The following UBE2E3 variants were observed in gnomAD, a reference collection of about 807,000 sequenced individuals.
The protein encoded by UBE2E3 is ubiquitin conjugating enzyme E2 E3, also known as ubiquitin-conjugating enzyme E2 E3.
UBE2E3 carries 5 observed loss-of-function variants against 23.6 expected under a neutral mutation model. That is an observed-to-expected ratio of 0.21 (90% CI 0.11 to 0.44). The LOEUF (loss-of-function observed/expected upper bound fraction) is 0.44, where lower values mean the gene tolerates loss of function less well. Ranked by LOEUF, UBE2E3 falls within the 20% of genes least tolerant of loss-of-function variation. UBE2E3 has a pLI of 0.99. For missense variants in UBE2E3, 81 were observed against 249.8 expected (o/e 0.32, Z 4.55); for synonymous variants, 78 against 87.5 (o/e 0.89, Z 0.60).
rs1195783018 is a variant in UBE2E3, at chr2:180,980,678, C to G, written c.-321C>G. The G allele has an allele frequency of 2.8e-5, 4 of 145,190 alleles. No homozygotes were observed. Among genetic ancestry groups the G allele is most frequent in the Non-Finnish European group, 6.1e-5 (4 of 65,600 alleles). 9.0% of individuals were successfully genotyped at this position (145,190 alleles called of 1,614,324 possible). ...GCGGGAGGCTACAGCGCGCGGGGGT[C>G]TCCCGCGTCCCCTCCGCCTCGCCGG... On this transcript the variant is annotated 5_prime_UTR_variant, in exon 1 of 6. Transcript: ENST00000410062. This position sits in a 1 kb window ranked among gnomAD's most constrained non-coding sequence, Gnocchi z 5.5.
intron 3 of UBE2E3, among the ~76,000 whole-genome samples, chr2:181,015,789 C>T (rs1685467400): frequency 6.6e-6 from 1 of 152,002 alleles, no homozygotes; most frequent in African/African-American, 2.4e-5. Flanking sequence ...GGAGTATAAT[C>T]ACTAAAATGA....
chr2:181,028,673 A>G (rs866592699), intron 3 of UBE2E3, among the ~76,000 whole-genome samples: 2 of 151,992 alleles, frequency 1.3e-5, no homozygotes, highest in African/African-American at 2.4e-5. Context: ...TTTTATGTTT[A>G]TCTTCCATTC....
chr2:181,044,475 G>A (rs1686611832), intron 3 of UBE2E3, among the ~76,000 whole-genome samples: 1 of 152,118 alleles, frequency 6.6e-6, no homozygotes, highest in African/African-American at 2.4e-5. Context: ...AGAATCTTTA[G>A]TGGCAATAGA....
intron 3 of UBE2E3, among the ~76,000 whole-genome samples, chr2:181,029,656 A>G (rs957230051): frequency 8.6e-6 from 1 of 115,844 alleles, no homozygotes; most frequent in Non-Finnish European, 1.8e-5. Flanking sequence ...ATCTGTAGAC[A>G]ATCTTTTTTT....
At chr2:181,054,840 G>A (rs963278558) in intron 3 of UBE2E3, among the ~76,000 whole-genome samples, 1 of 151,736 alleles carries the variant, frequency 6.6e-6, no homozygotes. Flanking sequence ...TAAGGTCTTA[G>A]CTCTGGAGGA....
intron 3 of UBE2E3, among the ~76,000 whole-genome samples, chr2:181,041,960 A>G (rs1574213291): frequency 6.6e-6 from 1 of 152,084 alleles, no homozygotes; most frequent in African/African-American, 2.4e-5. Context: ...TGATATACCT[A>G]CCCTAATTTA....
intron 3 of UBE2E3, among the ~76,000 whole-genome samples, chr2:181,035,809 G>T (rs1167386169): frequency 1.3e-5 from 2 of 152,076 alleles, no homozygotes; most frequent in Non-Finnish European, 2.9e-5. Flanking sequence ...GTTCCCAAGG[G>T]TTTTTACCAC....
At chr2:181,029,654 A>G (rs768682553) in intron 3 of UBE2E3, among the ~76,000 whole-genome samples, 1 of 127,038 alleles carries the variant, frequency 7.9e-6, no homozygotes, top group African/African-American at 2.8e-5. Flanking sequence ...TTATCTGTAG[A>G]CAATCTTTTT....
chr2:181,041,899 G>A (rs975649279), intron 3 of UBE2E3, among the ~76,000 whole-genome samples: 3 of 152,194 alleles, frequency 2.0e-5, no homozygotes, highest in East Asian at 1.9e-4. Flanking sequence ...ATCACAAAGT[G>A]TGGAGAGTCA....
chr2:181,022,714 G>A (rs1281017492), intron 3 of UBE2E3, among the ~76,000 whole-genome samples: 1 of 151,102 alleles, frequency 6.6e-6, no homozygotes, highest in Admixed American at 6.6e-5. Context: ...ATGGTACTAA[G>A]TAGGCTGCAA....
At chr2:181,060,415 A>C (rs1014485018) in intron 4 of UBE2E3, among the ~76,000 whole-genome samples, 2 of 151,750 alleles carry the variant, frequency 1.3e-5, no homozygotes, top group African/African-American at 4.8e-5. Flanking sequence ...CATAGATGGA[A>C]TTACTGTATC....
At chr2:181,025,279 C>G (rs546693707) in intron 3 of UBE2E3, among the ~76,000 whole-genome samples, 1 of 151,940 alleles carries the variant, frequency 6.6e-6, no homozygotes, top group Non-Finnish European at 1.5e-5. Flanking sequence ...AAACCTTGCT[C>G]TTAACATTTA....
chr2:180,990,110 A>G, intron 3 of UBE2E3: 1 of 984,990 alleles, frequency 1.0e-6, no homozygotes, highest in South Asian at 2.1e-5. Flanking sequence ...CAAACTTTTA[A>G]CCTTTCTTTT....
At chr2:181,056,444 G>T (rs1686991216) in intron 3 of UBE2E3, among the ~76,000 whole-genome samples, 2 of 151,774 alleles carry the variant, frequency 1.3e-5, no homozygotes. Context: ...TCAACTCACA[G>T]TGGAAAGGCA....
intron 3 of UBE2E3, among the ~76,000 whole-genome samples, chr2:181,041,643 G>A (rs146997144): frequency 0.015 from 2,215 of 152,022 alleles, 58 homozygotes; most frequent in African/African-American, 0.05. Flanking sequence ...TCACCATGTT[G>A]GCCAGGCTGG....
At chr2:181,054,287 T>G (rs1047692129) in intron 3 of UBE2E3, among the ~76,000 whole-genome samples, 2 of 151,898 alleles carry the variant, frequency 1.3e-5, no homozygotes, top group African/African-American at 2.4e-5. Flanking sequence ...TCTTCCAAAG[T>G]GGACATCCAG....
At chr2:180,981,889 T>G in intron 1 of UBE2E3, 129 bp from the exon 2 acceptor site, 1 of 678,654 alleles carries the variant, frequency 1.5e-6, no homozygotes, top group African/African-American at 1.8e-5. Context: ...TGTTGTACGA[T>G]GAAATAAGTG....
intron 3 of UBE2E3, among the ~76,000 whole-genome samples, chr2:181,037,924 T>C (rs1406942351): frequency 6.6e-6 from 1 of 152,196 alleles, no homozygotes; most frequent in African/African-American, 2.4e-5. Context: ...ACTATGATCA[T>C]ACCACTGCAC....
At chr2:181,033,579 A>G (rs1192821764) in intron 3 of UBE2E3, among the ~76,000 whole-genome samples, 3 of 152,242 alleles carry the variant, frequency 2.0e-5, no homozygotes, top group East Asian at 1.9e-4. Flanking sequence ...TAAAAACCCT[A>G]GAAGAAAACC....
Sources: allele counts gnomAD v4.1 joint callset (sites outside exome capture counted in the v4.1 genomes callset), GRCh38; gene constraint gnomAD v4.1.1; non-coding constraint Gnocchi (gnomAD v3.1); transcripts MANE v1.5; gene names NCBI Gene and HGNC (gene_info 2026-07-23, HGNC 2026-07-21).